NUP153: variants seen among roughly 807,000 people sequenced by gnomAD.
NUP153 encodes the protein nuclear pore complex protein Nup153.
A neutral mutation model predicts 134.6 loss-of-function variants in NUP153; 27 were observed. The ratio of observed to expected loss-of-function variants is 0.20; its 90% CI spans 0.15 to 0.28. The LOEUF is 0.28. NUP153 is among the 10% of genes least tolerant of loss of function. The pLI is 1.00. For missense variants in NUP153, 1,821 were observed against 1,731.3 expected (o/e 1.05, Z -0.92); for synonymous variants, 640 against 623.5 (o/e 1.03, Z -0.40).
In NUP153 at chr6:17,675,839, CT is replaced by C. The variant is rs970035514; in HGVS notation, c.335-70del. The C allele has an allele frequency of 2.6e-5, 38 of 1,470,540 alleles. No individual in the cohort carries two copies. The African/African-American group carries it at 4.3e-4, about 17-fold the overall frequency. The allele number at this position is 1,470,540 out of a possible 1,614,324, so 91.1% of individuals were successfully genotyped here. A position where few individuals can be genotyped will look rare whatever the true frequency, so the allele number is the denominator to read the frequency against. ...GATACACTACCACAAATGGTTTTTA[CT>C]TTAAGAAAACACATTACAGTATATA... On this transcript the variant is annotated intron_variant, in intron 2 of 21. Coordinates refer to ENST00000262077, the MANE Select transcript of NUP153 (RefSeq NM_005124.4). This position sits in a 1 kb window ranked among gnomAD's most constrained non-coding sequence, Gnocchi z 4.4.
chr6:17,706,569 G>A lies in NUP153; in HGVS notation c.-182C>T. On this transcript the variant is annotated 5_prime_UTR_variant, in exon 1 of 22. Transcript: ENST00000262077. This position sits in a 1 kb window ranked among gnomAD's most constrained non-coding sequence, Gnocchi z 5.9. The stretch of plus-strand genomic sequence containing the variant: ...TTGCGAGCAGGAGCGGAGAGAGGGT[G>A]AGTGCTGGCAGCGGGGAAGGGGGTG... 1 of 587,386 alleles carries A rather than the reference G, an allele frequency of 1.7e-6. No individual in the cohort carries two copies. Among genetic ancestry groups the A allele is most frequent in the South Asian group, 2.0e-5 (1 of 50,046 alleles). The allele number at this position is 587,386 out of a possible 1,614,324, so 36.4% of individuals were successfully genotyped here.
intron 15 of NUP153, among the ~76,000 whole-genome samples, chr6:17,639,518 G>GT (rs1422868976): frequency 6.6e-6 from 1 of 152,126 alleles, no homozygotes; most frequent in Non-Finnish European, 1.5e-5. Flanking sequence ...TTCAATTCAA[G>GT]TGAGTACTGC....
intron 5 of NUP153, among the ~76,000 whole-genome samples, chr6:17,673,308 C>T (rs879862748): frequency 1.3e-5 from 2 of 151,916 alleles, no homozygotes; most frequent in Non-Finnish European, 2.9e-5. Flanking sequence ...GTGGAGGGTG[C>T]GCCACTGCAC....
In NUP153 at chr6:17,629,146, G is replaced by A; in HGVS notation, c.3053C>T (p.Ser1018Phe). The A allele has an allele frequency of 1.9e-6, 3 of 1,613,492 alleles. No homozygotes were observed. Among genetic ancestry groups the A allele is most frequent in the Non-Finnish European group, 2.5e-6 (3 of 1,179,880 alleles). ...EEKKEELPKS[S>F]SAGFSFGTGV... Reference sequence around the variant, plus strand: ...TGTACCAAAGCTAAAACCTGCAGAGGAAGATTTGGGCAGTTCCTCTTTCTT... The same window carrying A: ...TGTACCAAAGCTAAAACCTGCAGAGAAAGATTTGGGCAGTTCCTCTTTCTT... The change falls in exon 18 of 22, where the codon TCC becomes TTC. Residue 1018 changes from serine (S) to phenylalanine (F), a missense_variant. Physicochemically the swap from Ser to Phe is radical, Grantham distance 155 (BLOSUM62 -2). Transcript: ENST00000262077.
In NUP153 at chr6:17,675,324, G is replaced by C. The variant is rs556345430; in HGVS notation, c.628C>G (p.Pro210Ala). 17 of 1,613,970 alleles carry C rather than the reference G, an allele frequency of 1.1e-5. No homozygotes were observed. The East Asian group carries it at 3.6e-4, about 34-fold the overall frequency. Residue 210 changes from proline (P) to alanine (A), a missense_variant, in exon 4 of 22, where the codon CCA becomes GCA. Transcript: ENST00000262077. The surrounding 1 kb of genome is among the most constrained non-coding windows in gnomAD (Gnocchi z 4.4). ...KNTSLPPLWSPEAERSHSLSQ... is the reference protein window; with the variant it reads ...KNTSLPPLWSAEAERSHSLSQ... ...AGTGAGTGAGAACGTTCAGCTTCTGGGGACCACAGAGGTGGCAATGAAGTG... is the reference window on the plus strand; with the variant it reads ...AGTGAGTGAGAACGTTCAGCTTCTGCGGACCACAGAGGTGGCAATGAAGTG...
chr6:17,625,776 A>G lies in NUP153; in HGVS notation c.3901+32T>C, dbSNP rs1764908274. The G allele has an allele frequency of 1.3e-6, 2 of 1,500,360 alleles. No individual in the cohort carries two copies. The allele number at this position is 1,500,360 out of a possible 1,614,324, so 92.9% of individuals were successfully genotyped here. ...CACACTAATAAGTAAAGTCCATCCA[A>G]TTACAATGCATTTTTTCTTTTGTAA... On this transcript the variant is annotated intron_variant, in intron 19 of 21. Coordinates refer to ENST00000262077, the MANE Select transcript of NUP153 (RefSeq NM_005124.4). This position sits in a 1 kb window ranked among gnomAD's most constrained non-coding sequence, Gnocchi z 4.7.
Position 17,635,210 on chromosome 6 carries a change from C to T in NUP153, c.2464+1943G>A, listed in dbSNP as rs1398105931. On this transcript the variant is annotated intron_variant, in intron 16 of 21. Coordinates refer to ENST00000262077, the MANE Select transcript of NUP153 (RefSeq NM_005124.4). ...CTGCAAGCTCCACCTCCCAGATTCA[C>T]ACCATTCTCCTGCCTCAGCCTCCCG... Among the ~76,000 whole-genome samples, 5 of 148,516 alleles carry T rather than the reference C, an allele frequency of 3.4e-5. No individual in the cohort carries two copies. In the Admixed American group the frequency reaches 3.4e-4, roughly 10 times the overall value.
intron 2 of NUP153, among the ~76,000 whole-genome samples, chr6:17,687,697 G>A (rs904967392): frequency 6.6e-6 from 1 of 151,976 alleles, no homozygotes; most frequent in Admixed American, 6.6e-5. Context: ...TTTAACATAG[G>A]GCTACAAAAA....
intron 5 of NUP153, 47 bp downstream of exon 5, chr6:17,674,858 A>T (rs754493482): frequency 7.7e-7 from 1 of 1,304,046 alleles, no homozygotes; most frequent in Non-Finnish European, 1.0e-6. Flanking sequence ...GTTAAAGTGT[A>T]AAAAAAAAGA....
At chr6:17,689,464 C>T (rs183931559) in intron 1 of NUP153, among the ~76,000 whole-genome samples, 1 of 151,606 alleles carries the variant, frequency 6.6e-6, no homozygotes, top group African/African-American at 2.4e-5. Context: ...AATCTAAAAT[C>T]TTTTCTGATG....
intron 11 of NUP153, among the ~76,000 whole-genome samples, chr6:17,652,213 T>C (rs1363469337): frequency 6.6e-6 from 1 of 152,110 alleles, no homozygotes; most frequent in Admixed American, 6.5e-5. Flanking sequence ...AGCTTACTTC[T>C]ACAGATCACT....
chr6:17,627,514 G>T (rs1765005843), intron 18 of NUP153, among the ~76,000 whole-genome samples: 1 of 152,012 alleles, frequency 6.6e-6, no homozygotes, highest in Admixed American at 6.6e-5. Context: ...GGGTTTTCTT[G>T]AGACAGAGCC....
chr6:17,629,693 G>C (rs1765131667), intron 17 of NUP153, among the ~76,000 whole-genome samples, 154 bp from the exon 18 acceptor site: 1 of 152,198 alleles, frequency 6.6e-6, no homozygotes, highest in Non-Finnish European at 1.5e-5. Flanking sequence ...AATCCAAGGT[G>C]ACCTATATTT....
At chr6:17,631,739 G>A (rs1365572444) in intron 17 of NUP153, among the ~76,000 whole-genome samples, 1 of 152,012 alleles carries the variant, frequency 6.6e-6, no homozygotes, top group East Asian at 1.9e-4. Context: ...GGCCGAGGCG[G>A]GTGGATCACG....
chr6:17,646,109 A>T lies in NUP153; in HGVS notation c.1678T>A (p.Ser560Thr), dbSNP rs749117198. ...SVPVAKTAEL[S>T]GSSSTLEPII... Reference sequence around the variant, plus strand: ...GGTTCTAAAGTACTACTAGAACCAGAAAGTTCTGCTGTTTTTGCAACAGGC... The same window carrying T: ...GGTTCTAAAGTACTACTAGAACCAGTAAGTTCTGCTGTTTTTGCAACAGGC... The change falls in exon 14 of 22, where the codon TCT becomes ACT. Residue 560 changes from serine to threonine, a missense_variant. Transcript: ENST00000262077. 1.2e-6 allele frequency: 2 copies of T among 1,603,570 alleles called. No individual in the cohort carries two copies. Among genetic ancestry groups the T allele is most frequent in the Non-Finnish European group, 8.5e-7 (1 of 1,170,802 alleles).
At chr6:17,697,161 G>A (rs912098822) in intron 1 of NUP153, among the ~76,000 whole-genome samples, 5 of 152,116 alleles carry the variant, frequency 3.3e-5, no homozygotes, top group African/African-American at 1.2e-4. Flanking sequence ...TAAGTTCAAG[G>A]ATTAAAGGAG....
At chr6:17,700,242 A>G (rs1191145139) in intron 1 of NUP153, among the ~76,000 whole-genome samples, 1 of 152,190 alleles carries the variant, frequency 6.6e-6, no homozygotes, top group African/African-American at 2.4e-5. Context: ...AATTGCATAT[A>G]TATAATAAGG....
chr6:17,624,952 C>A, intron 19 of NUP153, 119 bp from the exon 20 acceptor site: 4 of 938,164 alleles, frequency 4.3e-6, no homozygotes, highest in Non-Finnish European at 6.2e-6. Context: ...ACCTTGCTAA[C>A]CAAATTCCAT....
intron 5 of NUP153, among the ~76,000 whole-genome samples, chr6:17,674,675 C>A (rs998551911): frequency 6.6e-6 from 1 of 152,126 alleles, no homozygotes; most frequent in Admixed American, 6.5e-5. Flanking sequence ...GAGGCTAAGG[C>A]AGGAGAATCG....
Sources: gnomAD v4.1 joint callset for allele counts (sites outside exome capture counted in the v4.1 genomes callset) on GRCh38, gnomAD v4.1.1 for gene constraint, Gnocchi (gnomAD v3.1) non-coding constraint, MANE v1.5 for transcripts, NCBI Gene and HGNC (gene_info 2026-07-23, HGNC 2026-07-21) for gene names.